THSD7A: variants seen among roughly 807,000 people sequenced by gnomAD.
THSD7A encodes the protein thrombospondin type 1 domain containing 7A, also known as thrombospondin type-1 domain-containing protein 7A.
Under a neutral mutation model 231.3 loss-of-function variants are expected in THSD7A, and 96 were observed. That is an observed-to-expected ratio of 0.41 (90% confidence interval 0.35 to 0.49). The LOEUF (loss-of-function observed/expected upper bound fraction) is 0.49, where lower values mean the gene tolerates loss of function less well. Ranked by LOEUF, THSD7A falls within the 20% of genes least tolerant of loss-of-function variation. The pLI, the probability that THSD7A is intolerant of heterozygous loss-of-function variation, is 0.05. For missense variants in THSD7A, 2,290 were observed against 2,070.2 expected (o/e 1.11, Z -2.06); for synonymous variants, 940 against 743.3 (o/e 1.26, Z -4.30).
intron 17 of THSD7A, among the ~76,000 whole-genome samples, chr7:11,416,775 A>G (rs563079486): frequency 6.6e-6 from 1 of 152,318 alleles, no homozygotes; most frequent in African/African-American, 2.4e-5. Context: ...TTACATAAGC[A>G]GCCAGTTCTG....
intron 6 of THSD7A, among the ~76,000 whole-genome samples, chr7:11,540,663 T>C (rs1302462425): frequency 6.6e-6 from 1 of 152,168 alleles, no homozygotes; most frequent in Non-Finnish European, 1.5e-5. Context: ...TTTTCAAGTG[T>C]GACTCAGGGA....
intron 2 of THSD7A, among the ~76,000 whole-genome samples, chr7:11,594,086 C>A (rs1780270791): frequency 6.6e-6 from 1 of 152,116 alleles, no homozygotes. Flanking sequence ...ATAAAGCAAT[C>A]AGAAAAACAT....
At chr7:11,780,531 T>C (rs567183721) in intron 1 of THSD7A, among the ~76,000 whole-genome samples, 1 of 152,258 alleles carries the variant, frequency 6.6e-6, no homozygotes, top group South Asian at 2.1e-4. Flanking sequence ...CAGCCAGCTC[T>C]AACATGCTAA....
intron 4 of THSD7A, among the ~76,000 whole-genome samples, chr7:11,563,475 T>C (rs774725432): frequency 6.6e-6 from 1 of 152,292 alleles, no homozygotes; most frequent in Non-Finnish European, 1.5e-5. Flanking sequence ...TTCTCCTGCC[T>C]CATCCTCCTG....
At chr7:11,457,802 C>T (rs1244812587) in intron 11 of THSD7A, among the ~76,000 whole-genome samples, 1 of 152,034 alleles carries the variant, frequency 6.6e-6, no homozygotes, top group Non-Finnish European at 1.5e-5. Context: ...TAGAATTGAT[C>T]TTATCTTGTA....
intron 1 of THSD7A, among the ~76,000 whole-genome samples, chr7:11,742,328 C>G (rs1294074297): frequency 6.6e-6 from 1 of 151,856 alleles, no homozygotes; most frequent in East Asian, 1.9e-4. Flanking sequence ...ATTCCCCTTT[C>G]AAGTATTCAA....
intron 13 of THSD7A, among the ~76,000 whole-genome samples, chr7:11,442,525 A>G (rs932703606): frequency 2.0e-5 from 3 of 152,046 alleles, no homozygotes; most frequent in African/African-American, 7.2e-5. Context: ...TTTTCTCCAG[A>G]GCCACTTAAT....
intron 1 of THSD7A, among the ~76,000 whole-genome samples, chr7:11,767,611 T>C (rs1302350227): frequency 6.6e-6 from 1 of 152,202 alleles, no homozygotes; most frequent in Non-Finnish European, 1.5e-5. Flanking sequence ...TATAGTATTT[T>C]CATTTTATTA....
At chr7:11,802,946 A>G (rs888143641) in intron 1 of THSD7A, among the ~76,000 whole-genome samples, 8 of 152,208 alleles carry the variant, frequency 5.3e-5, no homozygotes, top group Non-Finnish European at 1.5e-5. Flanking sequence ...GAATATAGAT[A>G]CTAGTCAAAT....
intron 4 of THSD7A, among the ~76,000 whole-genome samples, chr7:11,576,672 T>C (rs1287157978): frequency 6.6e-6 from 1 of 152,246 alleles, no homozygotes; most frequent in East Asian, 1.9e-4. Flanking sequence ...CAATATCATA[T>C]GGTTCAACAT....
intron 6 of THSD7A, among the ~76,000 whole-genome samples, chr7:11,515,228 C>T (rs372735565): frequency 6.6e-5 from 10 of 152,232 alleles, no homozygotes; most frequent in Middle Eastern, 6.8e-3. Flanking sequence ...TCTGTATCAA[C>T]CTTTATTAGC....
chr7:11,470,648 A>C (rs914938942), intron 8 of THSD7A, among the ~76,000 whole-genome samples: 5 of 151,800 alleles, frequency 3.3e-5, no homozygotes, highest in Non-Finnish European at 5.9e-5. Context: ...CCCTAGTTTT[A>C]AATGATGGGA....
At chr7:11,479,354 T>G (rs1269413387) in intron 7 of THSD7A, among the ~76,000 whole-genome samples, 1 of 152,224 alleles carries the variant, frequency 6.6e-6, no homozygotes, top group Non-Finnish European at 1.5e-5. Flanking sequence ...CGCATGGACT[T>G]GTCCTGTATG....
intron 1 of THSD7A, among the ~76,000 whole-genome samples, chr7:11,822,521 T>C (rs1784905313): frequency 6.6e-6 from 1 of 152,110 alleles, no homozygotes; most frequent in Admixed American, 6.5e-5. Context: ...TGAGTATAGG[T>C]GTCTTTTGAT....
chr7:11,611,312 A>G (rs1187437303), intron 2 of THSD7A, among the ~76,000 whole-genome samples: 1 of 152,028 alleles, frequency 6.6e-6, no homozygotes, highest in Non-Finnish European at 1.5e-5. Context: ...ATGGATTTTC[A>G]TTTTGGGAAG....
chr7:11,710,262 T>C (rs1267409424), intron 1 of THSD7A, among the ~76,000 whole-genome samples: 1 of 112,130 alleles, frequency 8.9e-6, no homozygotes, highest in African/African-American at 4.3e-5. Context: ...TTAAACACAC[T>C]TTACAAGAAA....
At position 11,808,584 on chromosome 7, in the gene THSD7A, G is replaced by T. The variant is rs149764488; in HGVS notation, c.190+23173C>A. On this transcript the variant is annotated intron_variant, in intron 1 of 27. Coordinates refer to ENST00000423059, the MANE Select transcript of THSD7A (RefSeq NM_015204.3). ...TATAGGTTTTCTATCATATTTAAAA[G>T]ATACTTTTTAAAAATTAATAATACT... 2.6e-5 allele frequency among the ~76,000 whole-genome samples: 4 copies of T among 152,204 alleles called. No homozygotes were observed. In the South Asian group the frequency reaches 6.2e-4, roughly 24 times the overall value.
chr7:11,739,381 G>A (rs1782028280), intron 1 of THSD7A, among the ~76,000 whole-genome samples: 1 of 151,656 alleles, frequency 6.6e-6, no homozygotes, highest in Admixed American at 6.6e-5. Flanking sequence ...TTAAAAAGTG[G>A]GAATAGACTA....
chr7:11,701,523 C>A (rs1446618743), intron 1 of THSD7A, among the ~76,000 whole-genome samples: 2 of 150,896 alleles, frequency 1.3e-5, no homozygotes, highest in African/African-American at 2.4e-5. Context: ...ATTCTGAGAT[C>A]TTTTTGCCTT....
Sources: allele counts gnomAD v4.1 joint callset (sites outside exome capture counted in the v4.1 genomes callset), GRCh38; gene constraint gnomAD v4.1.1; transcripts MANE v1.5; gene names NCBI Gene and HGNC (gene_info 2026-07-23, HGNC 2026-07-21).